Variants in ADGRL2 observed in about 807,000 individuals in gnomAD.
ADGRL2 encodes the protein calcium-independent alpha-latrotoxin receptor 2.
Under a neutral mutation model 157.4 loss-of-function variants are expected in ADGRL2, and 44 were observed. That is an observed-to-expected ratio of 0.28 (90% CI 0.22 to 0.36). ADGRL2 has a LOEUF of 0.36. Ranked by LOEUF, ADGRL2 falls within the 10% of genes least tolerant of loss-of-function variation. The probability of loss-of-function intolerance (pLI) is 1.00; values close to 1 mark genes in which losing one functional copy is unlikely to be tolerated. For missense variants in ADGRL2, 1,510 were observed against 1,768.9 expected, an observed-to-expected ratio of 0.85 and a Z score of 2.63; for synonymous variants, 585 against 624.7, an observed-to-expected ratio of 0.94 and a Z score of 0.95.
chr1:81,417,101 T>A (rs1197896396), intron 1 of ADGRL2, among the ~76,000 whole-genome samples: 1 of 152,184 alleles, frequency 6.6e-6, no homozygotes, highest in Non-Finnish European at 1.5e-5. Flanking sequence ...CTTTATTATT[T>A]TTCTATAAAA....
intron 2 of ADGRL2, among the ~76,000 whole-genome samples, chr1:81,842,913 C>T (rs2092651015): frequency 6.6e-6 from 1 of 151,994 alleles, no homozygotes; most frequent in Non-Finnish European, 1.5e-5. Context: ...AAATTAACTA[C>T]TTTTGTTCAT....
At chr1:81,706,995 C>T (rs148178688) in intron 1 of ADGRL2, among the ~76,000 whole-genome samples, 32 of 151,948 alleles carry the variant, frequency 2.1e-4, no homozygotes, top group Admixed American at 5.9e-4. Context: ...GGGTTTAGCC[C>T]TAAATTGGAG....
intron 2 of ADGRL2, among the ~76,000 whole-genome samples, chr1:81,783,609 A>G (rs2086906989): frequency 6.6e-6 from 1 of 152,208 alleles, no homozygotes; most frequent in African/African-American, 2.4e-5. Flanking sequence ...CTTCAAAATG[A>G]TCATTTAAAA....
At chr1:81,969,727 G>GCAA (rs1658169115) in intron 15 of ADGRL2, among the ~76,000 whole-genome samples, 1 of 151,864 alleles carries the variant, frequency 6.6e-6, no homozygotes, top group Non-Finnish European at 1.5e-5. Context: ...TCCTTTCTTT[G>GCAA]TATTCATAGC....
At chr1:81,554,166 A>T (rs1421206003) in intron 2 of ADGRL2, among the ~76,000 whole-genome samples, 1 of 152,186 alleles carries the variant, frequency 6.6e-6, no homozygotes, top group Non-Finnish European at 1.5e-5. Context: ...CATGAGAGGT[A>T]TTTGTTGTTT....
intron 2 of ADGRL2, among the ~76,000 whole-genome samples, chr1:81,487,664 T>C (rs184347864): frequency 6.6e-6 from 1 of 152,030 alleles, no homozygotes; most frequent in African/African-American, 2.4e-5. Flanking sequence ...GGGGGAGATA[T>C]TGAAAAATAT....
At chr1:81,546,505 A>T (rs1231742027) in intron 2 of ADGRL2, among the ~76,000 whole-genome samples, 2 of 152,238 alleles carry the variant, frequency 1.3e-5, no homozygotes, top group African/African-American at 4.8e-5. Context: ...AATAATAATG[A>T]TAAATTAGGA....
At chr1:81,589,510 A>C (rs1424671476) in intron 3 of ADGRL2, among the ~76,000 whole-genome samples, 1 of 152,158 alleles carries the variant, frequency 6.6e-6, no homozygotes, top group Admixed American at 6.6e-5. Flanking sequence ...CCTAGTAAAT[A>C]TATCACATGC....
chr1:81,615,520 C>T (rs1002633817), intron 3 of ADGRL2, among the ~76,000 whole-genome samples: 1 of 152,168 alleles, frequency 6.6e-6, no homozygotes, highest in South Asian at 2.1e-4. Context: ...AAGGAAGAAA[C>T]TCCAGACACA....
At chr1:81,910,994 C>T (rs187989517) in intron 3 of ADGRL2, among the ~76,000 whole-genome samples, 2 of 151,504 alleles carry the variant, frequency 1.3e-5, no homozygotes, top group African/African-American at 2.4e-5. Flanking sequence ...AATATGTTTT[C>T]ATTGTATTTT....
At chr1:81,608,107 G>C (rs2148660110) in intron 3 of ADGRL2, among the ~76,000 whole-genome samples, 1 of 152,300 alleles carries the variant, frequency 6.6e-6, no homozygotes, top group Non-Finnish European at 1.5e-5. Context: ...ACTCTCGTGG[G>C]TTCCTTTTTT....
intron 1 of ADGRL2, among the ~76,000 whole-genome samples, chr1:81,322,170 A>G (rs1660568948): frequency 6.7e-6 from 1 of 148,704 alleles, no homozygotes; most frequent in Non-Finnish European, 1.5e-5. Context: ...ACACATATGT[A>G]CATGTATATA....
intron 2 of ADGRL2, among the ~76,000 whole-genome samples, chr1:81,521,040 A>G (rs551939689): frequency 3.9e-5 from 6 of 152,338 alleles, no homozygotes; most frequent in Non-Finnish European, 7.3e-5. Context: ...CATTTTATTC[A>G]CATCACATTG....
At chr1:81,907,331 C>A in intron 3 of ADGRL2, 101 bp downstream of exon 3, 1 of 943,420 alleles carries the variant, frequency 1.1e-6, no homozygotes, top group African/African-American at 1.6e-5. Flanking sequence ...CACATCCCAG[C>A]CTATTTATTA....
intron 2 of ADGRL2, among the ~76,000 whole-genome samples, chr1:81,763,942 G>A (rs1291710743): frequency 1.4e-5 from 2 of 148,110 alleles, no homozygotes; most frequent in Non-Finnish European, 3.0e-5. Context: ...GGAGGCGGAT[G>A]TTGCAGTGAG....
intron 2 of ADGRL2, among the ~76,000 whole-genome samples, chr1:81,868,638 C>G (rs1256927530): frequency 2.0e-5 from 3 of 152,054 alleles, no homozygotes; most frequent in African/African-American, 4.8e-5. Context: ...TTTAGAACGA[C>G]ATGTAATTTT....
intron 2 of ADGRL2, among the ~76,000 whole-genome samples, chr1:81,527,238 C>T (rs2079481169): frequency 6.6e-6 from 1 of 152,152 alleles, no homozygotes; most frequent in Admixed American, 6.6e-5. Flanking sequence ...CATAGACTTC[C>T]TCAACCAGTT....
chr1:81,901,828 A>G (rs191833844), intron 2 of ADGRL2, among the ~76,000 whole-genome samples: 1 of 152,274 alleles, frequency 6.6e-6, no homozygotes, highest in Admixed American at 6.5e-5. Flanking sequence ...AGTTTTCAGG[A>G]AAATAGTGTA....
intron 2 of ADGRL2, among the ~76,000 whole-genome samples, chr1:81,558,586 C>A (rs2080367919): frequency 6.6e-6 from 1 of 151,954 alleles, no homozygotes; most frequent in Non-Finnish European, 1.5e-5. Context: ...AACCTTTCAG[C>A]TCCAGATATT....
Sources: allele counts gnomAD v4.1 joint callset (sites outside exome capture counted in the v4.1 genomes callset), GRCh38; gene constraint gnomAD v4.1.1; transcripts MANE v1.5; gene names NCBI Gene and HGNC (gene_info 2026-07-23, HGNC 2026-07-21).